DIO1: variants seen among roughly 807,000 people sequenced by gnomAD.
The protein encoded by DIO1 is type I iodothyronine deiodinase.
In DIO1, 17 loss-of-function variants were observed where a neutral mutation model predicts 25.9. The ratio of observed to expected loss-of-function variants is 0.66; its 90% CI spans 0.45 to 0.98. The LOEUF is 0.98. Ranked by LOEUF, DIO1 falls within the 50% of genes least tolerant of loss-of-function variation. The pLI, the probability that DIO1 is intolerant of heterozygous loss-of-function variation, is 0.00. For synonymous variants in DIO1, 115 were observed against 114.0 expected (o/e 1.01, Z -0.05); for missense variants, 270 against 310.4 (o/e 0.87, Z 0.98).
intron 1 of DIO1, among the ~76,000 whole-genome samples, chr1:53,897,615 G>A (rs768168337): frequency 2.0e-5 from 3 of 152,224 alleles, no homozygotes; most frequent in African/African-American, 2.4e-5. Flanking sequence ...CACTGTGAGC[G>A]GCTGAGTGGG....
At chr1:53,904,914 G>C (rs1210994646) in intron 2 of DIO1, 105 bp downstream of exon 2, 29 of 1,322,446 alleles carry the variant, frequency 2.2e-5, no homozygotes, top group Non-Finnish European at 2.7e-5. Flanking sequence ...AGGAAGAGGA[G>C]GGGAGAGGGA....
In DIO1 at chr1:53,910,578, T is replaced by C. The variant is rs535621631; in HGVS notation, c.*579T>C. 19 of 155,562 alleles carry C rather than the reference T, an allele frequency of 1.2e-4. No homozygotes were observed. The highest frequency in any genetic ancestry group is 3.7e-4 in the Admixed American group (6 of 16,078). 9.6% of individuals were successfully genotyped at this position (155,562 alleles called of 1,614,324 possible). On this transcript the variant is annotated 3_prime_UTR_variant, in exon 4 of 4. Transcript: ENST00000361921. Reference sequence around the variant, plus strand: ...ACAGGAGGAGGCAGTCATCCTCTCCTTGCCAAAAGATTTAAACCTGTCCAC... The same window carrying C: ...ACAGGAGGAGGCAGTCATCCTCTCCCTGCCAAAAGATTTAAACCTGTCCAC...
chr1:53,904,554 TG>T (rs1026531701), intron 1 of DIO1, 111 bp from the exon 2 acceptor site: 26 of 1,340,760 alleles, frequency 1.9e-5, no homozygotes, highest in Non-Finnish European at 2.6e-5. Flanking sequence ...CATCCTGGGG[TG>T]GGGGGTAGGG....
intron 3 of DIO1, among the ~76,000 whole-genome samples, chr1:53,908,498 A>C (rs922597855): frequency 6.6e-6 from 1 of 152,204 alleles, no homozygotes; most frequent in Non-Finnish European, 1.5e-5. Flanking sequence ...ATCAGGACTA[A>C]CCTGGCTCTC....
At chr1:53,906,634 G>A (rs985009044) in intron 3 of DIO1, among the ~76,000 whole-genome samples, 1 of 151,618 alleles carries the variant, frequency 6.6e-6, no homozygotes, top group African/African-American at 2.4e-5. Context: ...TGTTGTTTTT[G>A]TTCTCTGTTT....
chr1:53,894,881 A>G lies in DIO1; in HGVS notation c.337+334A>G, dbSNP rs372566489. 6.8e-4 allele frequency among the ~76,000 whole-genome samples: 104 copies of G among 152,300 alleles called. 4 individuals are homozygous for G. The South Asian group carries it at 0.021, about 31-fold the overall frequency. ...TGTTCAATCTTCAGACTGTTGCTCA[A>G]TGACGCTTCTTTCGAGAAGCCAAGC... On this transcript the variant is annotated intron_variant, in intron 1 of 3. Transcript: ENST00000361921. The surrounding 1 kb of genome is among the most constrained non-coding windows in gnomAD (Gnocchi z 4.9).
chr1:53,907,771 C>A (rs1394321937), intron 3 of DIO1, among the ~76,000 whole-genome samples: 3 of 151,180 alleles, frequency 2.0e-5, no homozygotes, highest in African/African-American at 7.3e-5. Context: ...ATTAGCCAGG[C>A]GTGGTGGCGC....
rs1447620479 is a variant in DIO1 at position 53,906,131 on chromosome 1, A to C, written c.518A>C (p.Asn173Thr). The stretch of plus-strand genomic sequence containing the variant: ...TTTAAGAACAACATGGACATCAGAA[A>C]TCACCAGAACCTTCAGGATCGCCTG... Reference protein sequence around the residue: ...WAFKNNMDIRNHQNLQDRLQA... With the variant: ...WAFKNNMDIRTHQNLQDRLQA... The change falls in exon 3 of 4, where the codon AAT becomes ACT. Residue 173 changes from asparagine (N) to threonine (T), a missense_variant. Asn to Thr is a moderately conservative substitution (Grantham distance 65). Coordinates refer to ENST00000361921, the MANE Select transcript of DIO1 (RefSeq NM_000792.7). 2 of 1,614,260 alleles carry C rather than the reference A, an allele frequency of 1.2e-6. No individual in the cohort carries two copies. Among genetic ancestry groups the C allele is most frequent in the Non-Finnish European group, 1.7e-6 (2 of 1,180,050 alleles).
At chr1:53,901,729 G>A (rs1651378979) in intron 1 of DIO1, among the ~76,000 whole-genome samples, 1 of 152,004 alleles carries the variant, frequency 6.6e-6, no homozygotes, top group South Asian at 2.1e-4. Context: ...AGCCAAAACT[G>A]CAACAAACAA....
At chr1:53,895,090 G>A (rs901117892) in intron 1 of DIO1, among the ~76,000 whole-genome samples, 1 of 152,118 alleles carries the variant, frequency 6.6e-6, no homozygotes, top group African/African-American at 2.4e-5. Context: ...TTACACCCAT[G>A]CCTGATGGTG....
intron 1 of DIO1, among the ~76,000 whole-genome samples, chr1:53,895,111 G>A (rs996699699): frequency 3.3e-5 from 5 of 152,162 alleles, no homozygotes; most frequent in African/African-American, 9.7e-5. Context: ...GCACATGGTA[G>A]CTGCTCAGTA....
rs1157475629 is a variant in DIO1, at chr1:53,910,972, C to T, written c.*973C>T. On this transcript the variant is annotated 3_prime_UTR_variant, in exon 4 of 4. Transcript: ENST00000361921. ...CATCTATTTTAACTCTGTGTCTTTACATATTTGTTTATGATGGCCACAGCC... is the reference window on the plus strand; with the variant it reads ...CATCTATTTTAACTCTGTGTCTTTATATATTTGTTTATGATGGCCACAGCC... 6.6e-6 allele frequency: 1 copy of T among 152,642 alleles called. No individual in the cohort carries two copies. Among genetic ancestry groups the T allele is most frequent in the Non-Finnish European group, 1.5e-5 (1 of 68,036 alleles). 9.5% of individuals were successfully genotyped at this position (152,642 alleles called of 1,614,324 possible).
intron 3 of DIO1, among the ~76,000 whole-genome samples, chr1:53,909,179 G>A (rs1651810429): frequency 6.6e-6 from 1 of 151,792 alleles, no homozygotes; most frequent in South Asian, 2.1e-4. Context: ...ACTTTGGGAG[G>A]CCAAGGCGGG....
chr1:53,906,658 CTTTCT>C (rs1315919070), intron 3 of DIO1, among the ~76,000 whole-genome samples: 1 of 148,438 alleles, frequency 6.7e-6, no homozygotes, highest in Non-Finnish European at 1.5e-5. Context: ...GGGTTTCTTT[CTTTCT>C]TTTTTTTTTT....
At position 53,910,104 on chromosome 1, in the gene DIO1, G is replaced by A; in HGVS notation, c.*105G>A. ...TTACCCTTGACCTGTGTCCCTAGCT[G>A]AATCACTAGCTCAGATTTTTCTGAT... On this transcript the variant is annotated 3_prime_UTR_variant, in exon 4 of 4. Coordinates refer to ENST00000361921, the MANE Select transcript of DIO1 (RefSeq NM_000792.7). 1.1e-6 allele frequency: 1 copy of A among 946,900 alleles called. No homozygotes were observed. Among genetic ancestry groups the A allele is most frequent in the Non-Finnish European group, 1.7e-6 (1 of 583,864 alleles). 58.7% of individuals were successfully genotyped at this position (946,900 alleles called of 1,614,324 possible).
intron 3 of DIO1, among the ~76,000 whole-genome samples, chr1:53,907,999 A>G (rs1279761483): frequency 1.3e-5 from 2 of 151,294 alleles, no homozygotes; most frequent in East Asian, 3.9e-4. Context: ...TGAGGCAGGC[A>G]GATCACGAGG....
intron 3 of DIO1, among the ~76,000 whole-genome samples, chr1:53,907,700 T>C (rs1028604530): frequency 2.8e-5 from 4 of 142,646 alleles, no homozygotes; most frequent in Non-Finnish European, 6.1e-5. Flanking sequence ...TCACTTGAGG[T>C]TGGGAGTTGG....
At chr1:53,901,931 A>G (rs1395531965) in intron 1 of DIO1, among the ~76,000 whole-genome samples, 2 of 152,138 alleles carry the variant, frequency 1.3e-5, no homozygotes, top group Non-Finnish European at 2.9e-5. Context: ...GAAAATATGC[A>G]ATAATATTCA....
At chr1:53,907,144 C>T (rs938629563) in intron 3 of DIO1, among the ~76,000 whole-genome samples, 11 of 152,136 alleles carry the variant, frequency 7.2e-5, no homozygotes, top group African/African-American at 2.2e-4. Context: ...GAATGGAACC[C>T]GTGGTTTGGA....
Sources: gnomAD v4.1 joint callset for allele counts (sites outside exome capture counted in the v4.1 genomes callset) on GRCh38, gnomAD v4.1.1 for gene constraint, Gnocchi (gnomAD v3.1) non-coding constraint, MANE v1.5 for transcripts, NCBI Gene and HGNC (gene_info 2026-07-23, HGNC 2026-07-21) for gene names.